RYR2: variants seen among roughly 807,000 people sequenced by gnomAD.
RYR2 encodes the protein ryanodine receptor 2.
A neutral mutation model predicts 601.1 loss-of-function variants in RYR2; 227 were observed. The ratio of observed to expected loss-of-function variants is 0.38; its 90% CI spans 0.34 to 0.42. The LOEUF (loss-of-function observed/expected upper bound fraction) is 0.42. RYR2 is among the 10% of genes least tolerant of loss of function. The pLI is 1.00. For synonymous variants in RYR2, 2,223 were observed against 2,175.1 expected (o/e 1.02, Z -0.61); for missense variants, 4,646 against 6,156.5 (o/e 0.75, Z 8.21).
intron 1 of RYR2, among the ~76,000 whole-genome samples, chr1:237,156,492 A>G (rs1000684716): frequency 1.4e-4 from 22 of 152,306 alleles, no homozygotes; most frequent in Admixed American, 3.9e-4. Context: ...TCCCAAAGCT[A>G]TTAATAGACT....
At chr1:237,172,818 A>G (rs944813523) in intron 1 of RYR2, among the ~76,000 whole-genome samples, 1 of 152,196 alleles carries the variant, frequency 6.6e-6, no homozygotes, top group Non-Finnish European at 1.5e-5. Flanking sequence ...GGTTCGAGTC[A>G]GGACTCAGGT....
rs748194372 is a variant in RYR2, at chr1:237,702,017, G to A, written c.9407G>A (p.Ser3136Asn). 6.8e-6 allele frequency: 11 copies of A among 1,608,866 alleles called. No individual in the cohort carries two copies. In the Middle Eastern group the frequency reaches 1.3e-3, roughly 193 times the overall value. ...GTGTCTTGTTATAGAATTCTGACTA[G>A]CTTATATGCTTTGGGAACCAGCAAG... Reference protein sequence around the residue: ...VQVSCYRILTSLYALGTSKSI... With the variant: ...VQVSCYRILTNLYALGTSKSI... Residue 3136 changes from serine to asparagine, a missense_variant, in exon 66 of 105, where the codon AGC becomes AAC. Transcript: ENST00000366574.
intron 60 of RYR2, among the ~76,000 whole-genome samples, chr1:237,675,497 G>A (rs1685317126): frequency 6.6e-6 from 1 of 152,178 alleles, no homozygotes; most frequent in Non-Finnish European, 1.5e-5. Flanking sequence ...TAATGTCAGA[G>A]CACCTTCCAG....
chr1:237,409,997 C>T (rs1704284475), intron 10 of RYR2, among the ~76,000 whole-genome samples: 1 of 151,976 alleles, frequency 6.6e-6, no homozygotes, highest in African/African-American at 2.4e-5. Flanking sequence ...AAAATGAAAC[C>T]AGAATGTTAT....
At chr1:237,604,971 A>G (rs1398592625) in intron 35 of RYR2, among the ~76,000 whole-genome samples, 1 of 152,208 alleles carries the variant, frequency 6.6e-6, no homozygotes, top group Non-Finnish European at 1.5e-5. Flanking sequence ...AGACAGATTC[A>G]CAGCCGAATT....
intron 79 of RYR2, among the ~76,000 whole-genome samples, chr1:237,734,181 A>G (rs1690934103): frequency 6.6e-6 from 1 of 152,208 alleles, no homozygotes. Flanking sequence ...TAGGTAATCT[A>G]TAAGGGAAAC....
chr1:237,094,716 C>T (rs189426579), intron 1 of RYR2, among the ~76,000 whole-genome samples: 286 of 152,240 alleles, frequency 1.9e-3, no homozygotes, highest in African/African-American at 6.6e-3. Context: ...CTTAGCCTTC[C>T]GAGTAGCTGG....
chr1:237,555,535 A>G (rs1292829796), intron 27 of RYR2, among the ~76,000 whole-genome samples: 1 of 152,112 alleles, frequency 6.6e-6, no homozygotes, highest in Admixed American at 6.6e-5. Context: ...ACACATGAAT[A>G]TTTATATTTT....
chr1:237,737,224 AT>A (rs1038619328), intron 79 of RYR2, among the ~76,000 whole-genome samples: 3 of 152,216 alleles, frequency 2.0e-5, no homozygotes, highest in Non-Finnish European at 4.4e-5. Flanking sequence ...ATGGTCAAAT[AT>A]TTGAGGAGGG....
intron 65 of RYR2, 54 bp from the exon 66 acceptor site, chr1:237,701,924 A>G (rs942729117): frequency 1.0e-6 from 1 of 969,368 alleles, no homozygotes; most frequent in Non-Finnish European, 1.7e-6. Flanking sequence ...CTTTCTCAGG[A>G]CAATGTATAA....
At chr1:237,785,103 T>A (rs1695441291) in intron 90 of RYR2, 131 bp downstream of exon 90, 2 of 714,376 alleles carry the variant, frequency 2.8e-6, no homozygotes, top group Admixed American at 4.3e-5. Flanking sequence ...CAAAGAGAAA[T>A]GCTTTTTGGT....
chr1:237,675,976 A>G (rs1269135764), intron 60 of RYR2, among the ~76,000 whole-genome samples: 1 of 152,194 alleles, frequency 6.6e-6, no homozygotes, highest in Non-Finnish European at 1.5e-5. Flanking sequence ...TATAACTAAC[A>G]ATTTTTAAAA....
At position 237,400,037 on chromosome 1, in the gene RYR2, TAC is replaced by T. The variant is rs55730903; in HGVS notation, c.773+11878_773+11879del. Among the ~76,000 whole-genome samples the T allele has an allele frequency of 3.7e-3, 550 of 149,102 alleles. 3 individuals carry two copies. The highest frequency in any genetic ancestry group is 5.8e-3 in the Non-Finnish European group (392 of 67,180). The stretch of plus-strand genomic sequence containing the variant: ...ACAAATGATAAAATGGTTTAGAACT[TAC>T]ACACACACACACACACACACACAAA... On this transcript the variant is annotated intron_variant, in intron 10 of 104. Transcript: ENST00000366574.
At chr1:237,081,125 T>C (rs1425805073) in intron 1 of RYR2, among the ~76,000 whole-genome samples, 14 of 78,344 alleles carry the variant, frequency 1.8e-4, no homozygotes, top group Non-Finnish European at 3.1e-4. Flanking sequence ...CTCTGGGGAC[T>C]GTGGTGGGGT....
At chr1:237,358,176 C>T (rs964296750) in intron 4 of RYR2, among the ~76,000 whole-genome samples, 9 of 152,232 alleles carry the variant, frequency 5.9e-5, no homozygotes, top group African/African-American at 2.2e-4. Context: ...TGACCTTTCT[C>T]GTATTCCAAG....
chr1:237,081,722 G>T (rs1337186652), intron 1 of RYR2, among the ~76,000 whole-genome samples: 1 of 151,818 alleles, frequency 6.6e-6, no homozygotes, highest in Non-Finnish European at 1.5e-5. Flanking sequence ...CAGGAACCTC[G>T]CCCTTCCCAG....
chr1:237,783,928 G>C lies in RYR2; in HGVS notation c.12216G>C (p.Thr4072=). 1 of 1,613,394 alleles carries C rather than the reference G, an allele frequency of 6.2e-7. No individual in the cohort carries two copies. Among genetic ancestry groups the C allele is most frequent in the Non-Finnish European group, 8.5e-7 (1 of 1,179,646 alleles). ...ETEFLLSCAE[T]DENETLDYEE... Reference sequence around the variant, plus strand: ...AATTTCTTTTGTCTTGTGCGGAGACGGATGAGAATGAAACCCTCGACTACG... The same window carrying C: ...AATTTCTTTTGTCTTGTGCGGAGACCGATGAGAATGAAACCCTCGACTACG... The change falls in exon 90 of 105, where the codon ACG becomes ACC. Residue 4072 remains threonine (T), a synonymous_variant. Transcript: ENST00000366574.
Position 237,660,807 on chromosome 1 carries a change from T to C in RYR2, c.8299-3T>C. On this transcript the variant is annotated splice_polypyrimidine_tract_variant and splice_region_variant and intron_variant, in intron 55 of 104. Transcript: ENST00000366574. ...CTGTTGTTTCTTGTTTTTTCTTCTC[T>C]AGGAAAAAGAAATTTATCGCTGGCC... The C allele has an allele frequency of 6.5e-7, 1 of 1,539,682 alleles. No homozygotes were observed. Among genetic ancestry groups the C allele is most frequent in the Non-Finnish European group, 8.8e-7 (1 of 1,139,848 alleles).
Position 237,449,878 on chromosome 1 carries a change from C to A in RYR2, c.1292+4356C>A, listed in dbSNP as rs534113229. On this transcript the variant is annotated intron_variant, in intron 14 of 104. Transcript: ENST00000366574. ...ACATTGTGAATTTGTTAGGTGCTGG[C>A]TATTTTTATATTCCTGTAAATATTC... Among the ~76,000 whole-genome samples the A allele has an allele frequency of 1.8e-4, 28 of 151,974 alleles. No homozygotes were observed. The East Asian group carries it at 4.8e-3, about 26-fold the overall frequency.
Sources: gnomAD v4.1 joint callset for allele counts (sites outside exome capture counted in the v4.1 genomes callset) on GRCh38, gnomAD v4.1.1 for gene constraint, MANE v1.5 for transcripts, NCBI Gene and HGNC (gene_info 2026-07-23, HGNC 2026-07-21) for gene names.